The following INPP4B variants were observed in gnomAD, a reference collection of about 807,000 sequenced individuals.
INPP4B encodes the protein inositol polyphosphate-4-phosphatase type II B.
Under a neutral mutation model 122.5 loss-of-function variants are expected in INPP4B, and 55 were observed. The ratio of observed to expected loss-of-function variants is 0.45; its 90% CI spans 0.36 to 0.56. The LOEUF (loss-of-function observed/expected upper bound fraction) is 0.56, where lower values mean the gene tolerates loss of function less well. Among genes scored for constraint, INPP4B ranks in the 20% least tolerant of loss-of-function variants. The pLI is 0.00. For missense variants in INPP4B, 1,000 were observed against 1,097.7 expected (o/e 0.91, Z 1.26); for synonymous variants, 403 against 388.7 (o/e 1.04, Z -0.43).
intron 1 of INPP4B, among the ~76,000 whole-genome samples, chr4:142,826,920 T>C (rs1295868355): frequency 1.3e-5 from 2 of 152,192 alleles, no homozygotes; most frequent in African/African-American, 4.8e-5. Flanking sequence ...CTACTGAAAT[T>C]TGCAGCAGCA....
chr4:142,723,380 G>A (rs1029168205), intron 2 of INPP4B, among the ~76,000 whole-genome samples: 6 of 152,016 alleles, frequency 3.9e-5, no homozygotes, highest in Non-Finnish European at 7.4e-5. Context: ...ACAGAATCAC[G>A]GTCTGTATTT....
chr4:142,178,484 C>G (rs1829334568), intron 15 of INPP4B, among the ~76,000 whole-genome samples: 1 of 152,124 alleles, frequency 6.6e-6, no homozygotes, highest in Non-Finnish European at 1.5e-5. Context: ...TTCCTTAACT[C>G]CTTGACCACA....
At chr4:142,215,666 G>T (rs1846809319) in intron 12 of INPP4B, among the ~76,000 whole-genome samples, 1 of 151,742 alleles carries the variant, frequency 6.6e-6, no homozygotes, top group Non-Finnish European at 1.5e-5. Context: ...GGCCGAGGCG[G>T]GCAGATCACG....
chr4:142,441,442 G>A (rs1449227756), intron 3 of INPP4B, among the ~76,000 whole-genome samples: 1 of 152,088 alleles, frequency 6.6e-6, no homozygotes, highest in Non-Finnish European at 1.5e-5. Flanking sequence ...GAGAATAAAA[G>A]GAATTTTAGT....
intron 1 of INPP4B, among the ~76,000 whole-genome samples, chr4:142,799,647 T>C (rs1031463411): frequency 1.2e-4 from 18 of 152,088 alleles, no homozygotes; most frequent in Admixed American, 1.2e-3. Flanking sequence ...TTCTATAATC[T>C]GGAGATGCTC....
At chr4:142,698,856 C>G (rs992454199) in intron 2 of INPP4B, among the ~76,000 whole-genome samples, 1 of 152,190 alleles carries the variant, frequency 6.6e-6, no homozygotes, top group African/African-American at 2.4e-5. Context: ...TTTGGAGGAG[C>G]TGAAGGGGAA....
intron 12 of INPP4B, among the ~76,000 whole-genome samples, chr4:142,231,857 GTTA>G (rs1267809310): frequency 6.6e-6 from 1 of 152,084 alleles, no homozygotes; most frequent in Non-Finnish European, 1.5e-5. Flanking sequence ...AAAGGGTCAA[GTTA>G]TTATAAAAAG....
chr4:142,475,731 A>G (rs1405601473), intron 2 of INPP4B, among the ~76,000 whole-genome samples: 2 of 152,180 alleles, frequency 1.3e-5, no homozygotes, highest in Non-Finnish European at 1.5e-5. Context: ...ATCAACCAAG[A>G]GGAGGAAAGA....
chr4:142,178,405 G>A (rs1829296872), intron 15 of INPP4B, among the ~76,000 whole-genome samples: 1 of 152,156 alleles, frequency 6.6e-6, no homozygotes, highest in Non-Finnish European at 1.5e-5. Context: ...CTCAGATATT[G>A]AAGTCCTTGA....
chr4:142,687,819 G>A (rs547279652), intron 2 of INPP4B, among the ~76,000 whole-genome samples: 3 of 151,988 alleles, frequency 2.0e-5, no homozygotes, highest in Non-Finnish European at 4.4e-5. Context: ...ACGCCTACCC[G>A]GGATCCAAAC....
intron 25 of INPP4B, among the ~76,000 whole-genome samples, chr4:142,057,772 A>G (rs1339592153): frequency 6.6e-6 from 1 of 152,134 alleles, no homozygotes; most frequent in African/African-American, 2.4e-5. Flanking sequence ...CTCTTTGTGT[A>G]GTGCCCATTC....
intron 7 of INPP4B, among the ~76,000 whole-genome samples, chr4:142,369,587 A>AAAT (rs1561948182): frequency 5.1e-4 from 73 of 142,456 alleles, no homozygotes; most frequent in African/African-American, 1.3e-3. Context: ...GAAAATTAAA[A>AAAT]AAATAAATAA....
chr4:142,792,038 A>C (rs1776622318), intron 1 of INPP4B, among the ~76,000 whole-genome samples: 1 of 152,042 alleles, frequency 6.6e-6, no homozygotes, highest in Non-Finnish European at 1.5e-5. Context: ...AAATAACCCT[A>C]TAATGCCTCA....
intron 1 of INPP4B, among the ~76,000 whole-genome samples, chr4:142,806,843 G>GAA (rs1218386208): frequency 5.3e-5 from 8 of 149,646 alleles, no homozygotes; most frequent in African/African-American, 2.0e-4. Flanking sequence ...AAGAAAGAAA[G>GAA]AAAGAAAGGA....
chr4:142,426,689 C>T (rs1424348351), intron 5 of INPP4B: 1 of 151,890 alleles, frequency 6.6e-6, no homozygotes, highest in East Asian at 1.9e-4. Flanking sequence ...AGCAGAAGAA[C>T]TTCAGCAAGA....
At chr4:142,731,045 A>T (rs1766009286) in intron 1 of INPP4B, among the ~76,000 whole-genome samples, 1 of 152,062 alleles carries the variant, frequency 6.6e-6, no homozygotes, top group African/African-American at 2.4e-5. Flanking sequence ...AACGCGTGCC[A>T]TGCTGGTTTG....
At chr4:142,843,314 T>C (rs535962572) in intron 1 of INPP4B, among the ~76,000 whole-genome samples, 3 of 151,982 alleles carry the variant, frequency 2.0e-5, no homozygotes, top group Non-Finnish European at 3.0e-5. Context: ...TTATAGTATA[T>C]ATGATTAGAG....
rs554388786 is a variant in INPP4B at position 142,296,845 on chromosome 4, G to A, written c.503+8613C>T. 2.0e-5 allele frequency among the ~76,000 whole-genome samples: 3 copies of A among 152,310 alleles called. No individual in the cohort carries two copies. The South Asian group carries it at 6.2e-4, about 32-fold the overall frequency. On this transcript the variant is annotated intron_variant, in intron 9 of 25. Transcript: ENST00000262992. ...TTATTACAAAATGGCTGATGTTAGA[G>A]CCTTTTGAAAATTTCAGGAAATCGT...
chr4:142,678,627 T>C (rs967483646), intron 2 of INPP4B, among the ~76,000 whole-genome samples: 1 of 151,922 alleles, frequency 6.6e-6, no homozygotes, highest in Admixed American at 6.6e-5. Context: ...CGTAAGAGCA[T>C]ATAAAAAGGG....
Sources: allele counts gnomAD v4.1 joint callset (sites outside exome capture counted in the v4.1 genomes callset), GRCh38; gene constraint gnomAD v4.1.1; transcripts MANE v1.5; gene names NCBI Gene and HGNC (gene_info 2026-07-23, HGNC 2026-07-21).